Variants in SAMTOR observed in about 807,000 individuals in gnomAD.
SAMTOR encodes UPF0532 protein C7orf60.
the SAMTOR span, among the ~76,000 whole-genome samples, chr7:112,861,725 ACT>A: frequency 2.0e-5 from 3 of 152,342 alleles, no homozygotes; most frequent in South Asian, 6.2e-4. Context: ...AAGTGGACCT[ACT>A]GTCTGATGCA....
At chr7:112,823,090 T>C in the SAMTOR span, among the ~76,000 whole-genome samples, 2 of 152,146 alleles carry the variant, frequency 1.3e-5, no homozygotes, top group Non-Finnish European at 2.9e-5. Flanking sequence ...CATATACCAA[T>C]AGTTATTAAC....
chr7:112,931,767 C>T, the SAMTOR span, among the ~76,000 whole-genome samples: 5 of 152,096 alleles, frequency 3.3e-5, no homozygotes, highest in African/African-American at 1.2e-4. Flanking sequence ...ATTAGTGTAT[C>T]TACACTTAAA....
the SAMTOR span, among the ~76,000 whole-genome samples, chr7:112,894,562 T>G: frequency 3.3e-5 from 5 of 152,078 alleles, no homozygotes; most frequent in African/African-American, 1.2e-4. Flanking sequence ...ACAATCATGA[T>G]GGAAGGCGAA....
chr7:112,918,028 G>A, the SAMTOR span, among the ~76,000 whole-genome samples: 2 of 152,162 alleles, frequency 1.3e-5, no homozygotes, highest in Non-Finnish European at 2.9e-5. Context: ...CACTCTGCAG[G>A]ATATATCCAG....
At chr7:112,874,549 ACTAT>A in the SAMTOR span, among the ~76,000 whole-genome samples, 2 of 152,106 alleles carry the variant, frequency 1.3e-5, no homozygotes, top group Non-Finnish European at 2.9e-5. Flanking sequence ...TACTCTATTC[ACTAT>A]CTGAGTGATG....
At chr7:112,939,655 C>G in the SAMTOR span, 1 of 1,613,926 alleles carries the variant, frequency 6.2e-7, no homozygotes, top group Non-Finnish European at 8.5e-7. Context: ...GCTTCTCCTG[C>G]TCCAGTTTCC....
the SAMTOR span, among the ~76,000 whole-genome samples, chr7:112,909,867 CTATAT>C: frequency 2.0e-5 from 3 of 150,262 alleles, no homozygotes; most frequent in Admixed American, 2.0e-4. Flanking sequence ...ATATATAACA[CTATAT>C]AATATTATAT....
chr7:112,907,020 G>T, the SAMTOR span, among the ~76,000 whole-genome samples: 1 of 152,060 alleles, frequency 6.6e-6, no homozygotes, highest in Non-Finnish European at 1.5e-5. Flanking sequence ...AAAAGCAAAA[G>T]CAAGAAAAAC....
At chr7:112,939,857 G>A in the SAMTOR span, 2 of 856,418 alleles carry the variant, frequency 2.3e-6, no homozygotes, top group East Asian at 5.3e-5. Context: ...GCCAGAGGAG[G>A]CAGAGGAACC....
At chr7:112,846,084 T>A in the SAMTOR span, among the ~76,000 whole-genome samples, 1 of 144,964 alleles carries the variant, frequency 6.9e-6, no homozygotes, top group Non-Finnish European at 1.5e-5. Context: ...AGGGAGAAGG[T>A]CAGAAAAAAT....
chr7:112,821,888 A>G, the SAMTOR span: 2 of 1,613,548 alleles, frequency 1.2e-6, no homozygotes, highest in Non-Finnish European at 1.7e-6. Context: ...CTGATCGAAC[A>G]TAGCAGGAAG....
At chr7:112,828,329 G>T in the SAMTOR span, among the ~76,000 whole-genome samples, 1 of 152,160 alleles carries the variant, frequency 6.6e-6, no homozygotes, top group African/African-American at 2.4e-5. Flanking sequence ...GGCTGTGAGG[G>T]AGAATCTAAT....
chr7:112,853,843 A>G, the SAMTOR span, among the ~76,000 whole-genome samples: 8 of 152,290 alleles, frequency 5.3e-5, no homozygotes, highest in Admixed American at 4.6e-4. Flanking sequence ...AATACTTTGA[A>G]ATCAATGATC....
At chr7:112,839,954 T>A in the SAMTOR span, among the ~76,000 whole-genome samples, 1 of 151,900 alleles carries the variant, frequency 6.6e-6, no homozygotes, top group Non-Finnish European at 1.5e-5. Flanking sequence ...AATTGGATTT[T>A]TATATTCAGA....
chr7:112,832,795 G>A, the SAMTOR span: 143 of 604,408 alleles, frequency 2.4e-4, no homozygotes, highest in East Asian at 3.1e-3. Context: ...AATTACTGAC[G>A]GCCCCAATGA....
At chr7:112,841,334 G>A in the SAMTOR span, among the ~76,000 whole-genome samples, 1 of 152,008 alleles carries the variant, frequency 6.6e-6, no homozygotes, top group Non-Finnish European at 1.5e-5. Context: ...ATTCACAATT[G>A]CTACAAAGAA....
the SAMTOR span, among the ~76,000 whole-genome samples, chr7:112,916,768 G>A: frequency 3.3e-5 from 5 of 152,182 alleles, no homozygotes; most frequent in Admixed American, 6.5e-5. Flanking sequence ...ACGGGCTTGG[G>A]AAACGGCGCA....
At chr7:112,845,414 A>G in the SAMTOR span, among the ~76,000 whole-genome samples, 2 of 152,148 alleles carry the variant, frequency 1.3e-5, no homozygotes, top group Non-Finnish European at 2.9e-5. Flanking sequence ...CCCCATTATA[A>G]AAAGTGGGCA....
the SAMTOR span, among the ~76,000 whole-genome samples, chr7:112,925,985 T>C: frequency 6.6e-6 from 1 of 152,072 alleles, no homozygotes; most frequent in Non-Finnish European, 1.5e-5. Flanking sequence ...GTGTCCAGAA[T>C]TGTGCACCTA....
Sources: allele counts gnomAD v4.1 joint callset (sites outside exome capture counted in the v4.1 genomes callset), GRCh38; gene constraint gnomAD v4.1.1; transcripts MANE v1.5; gene names NCBI Gene and HGNC (gene_info 2026-07-23, HGNC 2026-07-21).